The following CIB1 variants were observed in gnomAD, a reference collection of about 807,000 sequenced individuals.
The protein encoded by CIB1 is calcium and integrin binding 1.
CIB1 carries 19 observed loss-of-function variants against 25.0 expected under a neutral mutation model. The ratio of observed to expected loss-of-function variants is 0.76; its 90% confidence interval spans 0.53 to 1.12. The LOEUF is 1.12. CIB1 is among the 50% of genes most tolerant of loss of function. CIB1 has a pLI of 0.00. For synonymous variants in CIB1, 104 were observed against 98.5 expected (o/e 1.06, Z -0.33); for missense variants, 236 against 242.6 (o/e 0.97, Z 0.18).
At chr15:90,250,614 C>A in the CIB1 span, 2 of 1,608,930 alleles carry the variant, frequency 1.2e-6, no homozygotes, top group Non-Finnish European at 1.7e-6. Flanking sequence ...CCCCGCAACC[C>A]CTCAGAATCT....
chr15:90,241,313 C>A, the CIB1 span: 1 of 1,614,236 alleles, frequency 6.2e-7, no homozygotes. Flanking sequence ...GAGAAGTCCT[C>A]TTCCGTTTGC....
At chr15:90,238,748 T>C (rs1305449921), upstream of CIB1, among the ~76,000 whole-genome samples, 1 of 152,144 alleles carries the variant, frequency 6.6e-6, no homozygotes, top group Admixed American at 6.6e-5. Context: ...TTGGAATCAC[T>C]ATGGAACATG....
the CIB1 span, chr15:90,255,944 G>A: frequency 6.2e-7 from 1 of 1,611,864 alleles, no homozygotes; most frequent in Non-Finnish European, 8.5e-7. Context: ...GTCGCTCTCA[G>A]AGCTCTGGTC....
At chr15:90,251,715 C>G in the CIB1 span, 1 of 1,023,478 alleles carries the variant, frequency 9.8e-7, no homozygotes, top group Non-Finnish European at 1.5e-6. Flanking sequence ...GGGCTTGCCT[C>G]TAACCTGTAC....
At chr15:90,255,900 C>T in the CIB1 span, 19 of 1,614,014 alleles carry the variant, frequency 1.2e-5, no homozygotes, top group African/African-American at 2.1e-4. Context: ...GTGGGTCTGG[C>T]TTCCCATGCT....
At chr15:90,256,589 CTTTCT>C in the CIB1 span, among the ~76,000 whole-genome samples, 5 of 34,904 alleles carry the variant, frequency 1.4e-4, no homozygotes, top group Admixed American at 1.2e-3. Context: ...TTCTTTCTTT[CTTTCT>C]TTCTTTCTTT....
the CIB1 span, chr15:90,243,002 TC>T: frequency 9.7e-6 from 1 of 103,272 alleles, no homozygotes; most frequent in Non-Finnish European, 1.8e-5. Context: ...CTGCTACCTC[TC>T]CCCGTTCTTG....
the CIB1 span, chr15:90,241,846 T>C: frequency 6.2e-7 from 1 of 1,614,206 alleles, no homozygotes; most frequent in South Asian, 1.1e-5. Context: ...CGAGTAATTC[T>C]GTGGGCCCGG....
At chr15:90,257,852 G>A in the CIB1 span, 3 of 997,744 alleles carry the variant, frequency 3.0e-6, no homozygotes, top group Admixed American at 6.9e-5. Flanking sequence ...ACCCTGTCCT[G>A]TGCCTGCACT....
At chr15:90,265,148 T>TTGGGGATCGGTAAAGACTAGAAGA in the CIB1 span, 1 of 1,235,586 alleles carries the variant, frequency 8.1e-7, no homozygotes, top group Non-Finnish European at 1.1e-6. Flanking sequence ...CTAAGATTAA[T>TTGGGGATCGGTAAAGACTAGAAGA]TGGGGATCGG....
At chr15:90,233,311 T>C (rs1464638448) in intron 2 of CIB1, among the ~76,000 whole-genome samples, 2 of 152,216 alleles carry the variant, frequency 1.3e-5, no homozygotes, top group Non-Finnish European at 2.9e-5. Flanking sequence ...TCAGGTAAAG[T>C]TGGGAGAAGG....
chr15:90,259,010 G>C, the CIB1 span: 1 of 1,603,772 alleles, frequency 6.2e-7, no homozygotes, highest in Non-Finnish European at 8.5e-7. Context: ...ATGTGGCCTG[G>C]GGCTGATTTG....
the CIB1 span, chr15:90,258,686 G>T: frequency 1.4e-6 from 2 of 1,430,938 alleles, no homozygotes; most frequent in South Asian, 1.2e-5. Flanking sequence ...GCCTGCAAGA[G>T]GCCACCACCT....
intron 6 of CIB1, 42 bp from the exon 7 acceptor site, chr15:90,230,547 G>T: frequency 6.4e-7 from 1 of 1,550,672 alleles, no homozygotes; most frequent in Non-Finnish European, 8.7e-7. Flanking sequence ...TGGAAGAGGA[G>T]GGCAGGGACT....
At chr15:90,252,942 G>A in the CIB1 span, among the ~76,000 whole-genome samples, 4 of 152,200 alleles carry the variant, frequency 2.6e-5, no homozygotes, top group Non-Finnish European at 5.9e-5. Context: ...GGCGGAGGTT[G>A]CAGTGAGCCA....
At chr15:90,236,191 A>G (rs922217160), upstream of CIB1, 2 of 152,186 alleles carry the variant, frequency 1.3e-5, no homozygotes, top group African/African-American at 4.8e-5. Context: ...GGCATGTGCC[A>G]CCACACCCAG....
At chr15:90,241,384 T>G in the CIB1 span, 1 of 1,614,054 alleles carries the variant, frequency 6.2e-7, no homozygotes. Flanking sequence ...GTGATCAACG[T>G]CAGCCCCCTG....
the CIB1 span, among the ~76,000 whole-genome samples, chr15:90,240,453 A>G: frequency 6.6e-6 from 1 of 152,196 alleles, no homozygotes; most frequent in South Asian, 2.1e-4. Flanking sequence ...GGTTGCAGTG[A>G]GCCAAGATCG....
the CIB1 span, chr15:90,265,344 G>C: frequency 8.2e-7 from 1 of 1,221,520 alleles, no homozygotes; most frequent in Non-Finnish European, 1.0e-6. Flanking sequence ...CTGGGCTGTC[G>C]CCGTCAGAAG....
Sources: allele counts gnomAD v4.1 joint callset (sites outside exome capture counted in the v4.1 genomes callset), GRCh38; gene constraint gnomAD v4.1.1; transcripts MANE v1.5; gene names NCBI Gene and HGNC (gene_info 2026-07-23, HGNC 2026-07-21).